The following ITPK1 variants were observed in gnomAD, a reference collection of about 807,000 sequenced individuals.
The protein encoded by ITPK1 is inositol 1,3,4-trisphosphate 5/6-kinase.
In ITPK1, 21 loss-of-function variants were observed where a neutral mutation model predicts 45.3. The observed-to-expected ratio is 0.46, with a 90% CI of 0.33 to 0.67. The LOEUF (loss-of-function observed/expected upper bound fraction) is 0.67. ITPK1 is among the 30% of genes least tolerant of loss of function. The pLI, the probability that ITPK1 is intolerant of heterozygous loss-of-function variation, is 0.02. For synonymous variants in ITPK1, 258 were observed against 253.6 expected (o/e 1.02, Z -0.16); for missense variants, 474 against 573.5 (o/e 0.83, Z 1.77).
intron 2 of ITPK1, among the ~76,000 whole-genome samples, chr14:93,078,017 A>G (rs1354117322): frequency 6.6e-6 from 1 of 152,198 alleles, no homozygotes; most frequent in Non-Finnish European, 1.5e-5. Context: ...GACTATGCCA[A>G]ACTTTAAAGC....
intron 2 of ITPK1, among the ~76,000 whole-genome samples, chr14:93,089,611 G>C (rs1891789015): frequency 6.6e-6 from 1 of 152,208 alleles, no homozygotes; most frequent in South Asian, 2.1e-4. Context: ...CAATGAGACA[G>C]AAATCAGCTG....
rs778357021 is a variant in ITPK1 at position 92,973,964 on chromosome 14, C to T, written c.365-11115G>A. On this transcript the variant is annotated intron_variant, in intron 5 of 10. Coordinates refer to ENST00000267615, the MANE Select transcript of ITPK1 (RefSeq NM_014216.6). Reference sequence around the variant, plus strand: ...ATCCTAGAAAGCCATGTGCCTTGCCCGCAGGCAGGGCCCCTCCATGCCCCT... The same window carrying T: ...ATCCTAGAAAGCCATGTGCCTTGCCTGCAGGCAGGGCCCCTCCATGCCCCT... Among the ~76,000 whole-genome samples, 9 of 152,228 alleles carry T rather than the reference C, an allele frequency of 5.9e-5. No individual in the cohort carries two copies. The South Asian group carries it at 8.3e-4, about 14-fold the overall frequency.
chr14:93,098,981 A>G (rs1465537940), intron 2 of ITPK1, among the ~76,000 whole-genome samples: 1 of 152,044 alleles, frequency 6.6e-6, no homozygotes, highest in African/African-American at 2.4e-5. Flanking sequence ...AGGGCCTGTC[A>G]CCCTGCACTT....
chr14:92,979,982 T>C (rs1341993200), intron 5 of ITPK1, among the ~76,000 whole-genome samples: 1 of 152,108 alleles, frequency 6.6e-6, no homozygotes, highest in Non-Finnish European at 1.5e-5. Flanking sequence ...GGTTTTCCCA[T>C]GTTGGCCAGG....
intron 5 of ITPK1, among the ~76,000 whole-genome samples, chr14:92,968,308 T>A (rs943667210): frequency 6.6e-6 from 1 of 151,864 alleles, no homozygotes; most frequent in African/African-American, 2.4e-5. Context: ...TCCAGCCTGG[T>A]AACAGAGCGA....
intron 2 of ITPK1, among the ~76,000 whole-genome samples, chr14:93,077,243 G>A (rs1216880019): frequency 6.6e-6 from 1 of 152,058 alleles, no homozygotes; most frequent in Non-Finnish European, 1.5e-5. Context: ...CCAATTTTAG[G>A]AGCCTCATGG....
rs1052101782 is a variant in ITPK1, at chr14:92,940,599, G to T, written c.*962C>A. On this transcript the variant is annotated 3_prime_UTR_variant, in exon 11 of 11. Transcript: ENST00000267615. Reference sequence around the variant, plus strand: ...GCCCCGATCTCCATGGTGTCATGCCGAGGCTCCCGCGCCTATCCTCACCTA... The same window carrying T: ...GCCCCGATCTCCATGGTGTCATGCCTAGGCTCCCGCGCCTATCCTCACCTA... 1 of 1,195,970 alleles carries T rather than the reference G, an allele frequency of 8.4e-7. No homozygotes were observed. Among genetic ancestry groups the T allele is most frequent in the Admixed American group, 3.4e-5 (1 of 29,782 alleles). 74.1% of individuals were successfully genotyped at this position (1,195,970 alleles called of 1,614,324 possible).
intron 2 of ITPK1, among the ~76,000 whole-genome samples, chr14:93,102,556 T>C (rs979256094): frequency 6.6e-6 from 1 of 151,896 alleles, no homozygotes; most frequent in African/African-American, 2.4e-5. Context: ...AAGGATCACC[T>C]GAGGTCCGAG....
chr14:93,029,250 A>G (rs1888907234), intron 3 of ITPK1, among the ~76,000 whole-genome samples: 1 of 151,864 alleles, frequency 6.6e-6, no homozygotes, highest in Non-Finnish European at 1.5e-5. Flanking sequence ...ATGTTTTCTT[A>G]CCACTCCCTT....
At chr14:93,033,486 C>A (rs536504807) in intron 3 of ITPK1, among the ~76,000 whole-genome samples, 1 of 152,176 alleles carries the variant, frequency 6.6e-6, no homozygotes, top group Non-Finnish European at 1.5e-5. Context: ...GACATCAGAA[C>A]CAGGGTCTAG....
rs1884898466 is a variant in ITPK1 at position 92,958,905 on chromosome 14, T to A, written c.505-539A>T. Among the ~76,000 whole-genome samples the A allele has an allele frequency of 6.6e-6, 1 of 152,056 alleles. No individual in the cohort carries two copies. Among genetic ancestry groups the A allele is most frequent in the South Asian group, 2.1e-4 (1 of 4,818 alleles). ...CCTAGTGTCTCCCTCACAATGCACA[T>A]CTGAGGTGAGCATACAACCTTTCAC... On this transcript the variant is annotated intron_variant, in intron 7 of 10. Coordinates refer to ENST00000267615, the MANE Select transcript of ITPK1 (RefSeq NM_014216.6). The surrounding 1 kb of genome is among the most constrained non-coding windows in gnomAD (Gnocchi z 4.4).
chr14:92,977,610 T>TGACATGAGTGAGTTCTCTC (rs1223081928), intron 5 of ITPK1, among the ~76,000 whole-genome samples: 1 of 149,592 alleles, frequency 6.7e-6, no homozygotes, highest in Non-Finnish European at 1.5e-5. Flanking sequence ...GCTGTTCTCA[T>TGACATGAGTGAGTTCTCTC]GACATGAGTG....
intron 5 of ITPK1, among the ~76,000 whole-genome samples, chr14:92,987,317 CGGGGCAGTGTGAATGTG>C (rs982206608): frequency 6.6e-6 from 1 of 152,074 alleles, no homozygotes; most frequent in Non-Finnish European, 1.5e-5. Flanking sequence ...GGAAAGGGGA[CGGGGCAGTGTGAATGTG>C]GGGGCGTGCT....
chr14:92,993,041 G>A (rs1251984102), intron 5 of ITPK1, among the ~76,000 whole-genome samples: 1 of 152,238 alleles, frequency 6.6e-6, no homozygotes, highest in Admixed American at 6.5e-5. Context: ...CACCATCACA[G>A]GAAATTATGC....
At chr14:93,003,067 G>T (rs188206880) in intron 4 of ITPK1, among the ~76,000 whole-genome samples, 1 of 152,240 alleles carries the variant, frequency 6.6e-6, no homozygotes, top group Non-Finnish European at 1.5e-5. Flanking sequence ...GGGGAAGAGC[G>T]TGTCAGGGCC....
chr14:93,067,988 TG>T (rs1890829781), intron 3 of ITPK1: 1 of 135,478 alleles, frequency 7.4e-6, no homozygotes, highest in Non-Finnish European at 1.5e-5. Flanking sequence ...AACCCAAAAG[TG>T]ATACAGAGGG....
intron 3 of ITPK1, among the ~76,000 whole-genome samples, chr14:93,030,315 C>G (rs771490343): frequency 6.6e-6 from 1 of 152,260 alleles, no homozygotes; most frequent in Non-Finnish European, 1.5e-5. Flanking sequence ...GAAACCGTTA[C>G]TGCTTCATGA....
intron 4 of ITPK1, among the ~76,000 whole-genome samples, chr14:92,997,858 G>C (rs1280855656): frequency 6.6e-6 from 1 of 152,184 alleles, no homozygotes; most frequent in Non-Finnish European, 1.5e-5. Flanking sequence ...TACAGCGCAA[G>C]CTCTCTCAGG....
chr14:93,034,784 C>T lies in ITPK1; in HGVS notation c.121-17983G>A, dbSNP rs754542557. 2.6e-5 allele frequency among the ~76,000 whole-genome samples: 4 copies of T among 152,270 alleles called. No individual in the cohort carries two copies. The highest frequency in any genetic ancestry group is 7.2e-5 in the African/African-American group (3 of 41,478). On this transcript the variant is annotated intron_variant, in intron 3 of 10. Coordinates refer to ENST00000267615, the MANE Select transcript of ITPK1 (RefSeq NM_014216.6). The surrounding 1 kb of genome is among the most constrained non-coding windows in gnomAD (Gnocchi z 4.1). ...AAGGCTGGCATGGCCCCAGCACACA[C>T]GGGCAGTGGGCAGTGGGCAGTGCCA...
Sources: gnomAD v4.1 joint callset for allele counts (sites outside exome capture counted in the v4.1 genomes callset) on GRCh38, gnomAD v4.1.1 for gene constraint, Gnocchi (gnomAD v3.1) non-coding constraint, MANE v1.5 for transcripts, NCBI Gene and HGNC (gene_info 2026-07-23, HGNC 2026-07-21) for gene names.